Variants in DPP10 observed in about 807,000 individuals in gnomAD.
The protein encoded by DPP10 is dipeptidyl peptidase like 10, also known as inactive dipeptidyl peptidase 10.
DPP10 carries 33 observed loss-of-function variants against 120.9 expected under a neutral mutation model. The observed-to-expected ratio is 0.27, with a 90% CI of 0.21 to 0.37. The LOEUF (loss-of-function observed/expected upper bound fraction) is 0.37, where lower values mean the gene tolerates loss of function less well. Among genes scored for constraint, DPP10 ranks in the 10% least tolerant of loss-of-function variants. The probability of loss-of-function intolerance (pLI) is 1.00; values close to 1 mark genes in which losing one functional copy is unlikely to be tolerated. For missense variants in DPP10, 816 were observed against 942.8 expected (o/e 0.87, Z 1.76); for synonymous variants, 337 against 326.1 (o/e 1.03, Z -0.36).
At chr2:114,499,874 T>G (rs1448637012) in intron 1 of DPP10, among the ~76,000 whole-genome samples, 1 of 152,194 alleles carries the variant, frequency 6.6e-6, no homozygotes, top group Non-Finnish European at 1.5e-5. Flanking sequence ...ATGAACCAAT[T>G]CTCCACCCCT....
chr2:114,522,779 C>T (rs377039300), intron 1 of DPP10, among the ~76,000 whole-genome samples: 19 of 152,178 alleles, frequency 1.2e-4, no homozygotes, highest in Admixed American at 3.9e-4. Context: ...CTCACAATCA[C>T]GGCAGAAGGC....
In DPP10 at chr2:114,463,634, C is replaced by A. The variant is rs1028867388; in HGVS notation, c.60+20796C>A. ...CGAAGTGTGCATTTCATCCCAGGAT[C>A]TCTTAATCTACTAGTTATTTTAAAT... On this transcript the variant is annotated intron_variant, in intron 1 of 25. Coordinates refer to ENST00000410059, the MANE Select transcript of DPP10 (RefSeq NM_020868.6). Among the ~76,000 whole-genome samples the A allele has an allele frequency of 2.0e-5, 3 of 152,164 alleles. No individual in the cohort carries two copies. The East Asian group carries it at 5.8e-4, about 29-fold the overall frequency.
At chr2:115,625,666 A>G (rs2085301856) in intron 5 of DPP10, among the ~76,000 whole-genome samples, 1 of 151,990 alleles carries the variant, frequency 6.6e-6, no homozygotes, top group East Asian at 1.9e-4. Context: ...TGTTTCTACA[A>G]CTCCATGTTT....
In DPP10 at chr2:115,275,619, T is replaced by C. The variant is rs2059881074; in HGVS notation, c.61-33620T>C. On this transcript the variant is annotated intron_variant, in intron 1 of 25. Coordinates refer to ENST00000410059, the MANE Select transcript of DPP10 (RefSeq NM_020868.6). ...TTTTTTGGATATTATATAAAAATTA[T>C]ATAGAAAAGTTTCTTTTTAAACCTA... 2.0e-5 allele frequency among the ~76,000 whole-genome samples: 3 copies of C among 151,980 alleles called. No individual in the cohort carries two copies. The South Asian group carries it at 6.2e-4, about 31-fold the overall frequency.
At chr2:115,532,467 C>G (rs1172209059) in intron 5 of DPP10, among the ~76,000 whole-genome samples, 1 of 151,908 alleles carries the variant, frequency 6.6e-6, no homozygotes, top group Non-Finnish European at 1.5e-5. Flanking sequence ...CAACTAATTC[C>G]TAATTAATTA....
Position 115,309,301 on chromosome 2 carries a change from G to T in DPP10, c.123G>T (p.Val41=). 3 of 1,613,512 alleles carry T rather than the reference G, an allele frequency of 1.9e-6. No homozygotes were observed. Among genetic ancestry groups the T allele is most frequent in the Non-Finnish European group, 2.5e-6 (3 of 1,179,642 alleles). The change falls in exon 2 of 26, where the codon GTG becomes GTT. Residue 41 remains valine, a synonymous_variant. Transcript: ENST00000410059. ...NWKGIAIALL[V]ILVVCSLITM... ...AGGGAATTGCTATTGCTCTGCTGGT[G>T]ATTTTAGTTGTATGCTCACTCATCA... is the stretch of plus-strand genomic sequence containing the variant.
At chr2:115,608,006 A>ATAATAAT (rs562123247) in intron 5 of DPP10, among the ~76,000 whole-genome samples, 79 of 152,312 alleles carry the variant, frequency 5.2e-4, no homozygotes, top group African/African-American at 1.8e-3. Context: ...ACATGGTGGA[A>ATAATAAT]TAATAATACT....
chr2:115,336,875 A>G (rs1255640648), intron 2 of DPP10, among the ~76,000 whole-genome samples: 2 of 151,986 alleles, frequency 1.3e-5, no homozygotes, highest in Non-Finnish European at 2.9e-5. Context: ...AGTGATTGAG[A>G]TGAATGATTG....
In DPP10 at chr2:114,946,757, G is replaced by A. The variant is rs115580317; in HGVS notation, c.61-362482G>A. On this transcript the variant is annotated intron_variant, in intron 1 of 25. Coordinates refer to ENST00000410059, the MANE Select transcript of DPP10 (RefSeq NM_020868.6). ...ATAGGGAATTTTCTTCTTATTTCTC[G>A]GAAGGTTCTTGTCAAAGGTTTGTAT... Among the ~76,000 whole-genome samples, 1,052 of 151,162 alleles carry A rather than the reference G, an allele frequency of 7.0e-3. 6 individuals are homozygous for A. Among genetic ancestry groups the A allele is most frequent in the Middle Eastern group, 0.017 (5 of 290 alleles).
intron 1 of DPP10, among the ~76,000 whole-genome samples, chr2:115,006,245 A>G (rs1701831608): frequency 6.6e-6 from 1 of 152,204 alleles, no homozygotes; most frequent in South Asian, 2.1e-4. Flanking sequence ...AACAACCGGT[A>G]CCAGACACTG....
chr2:114,551,012 G>T (rs981629903), intron 1 of DPP10, among the ~76,000 whole-genome samples: 1 of 152,178 alleles, frequency 6.6e-6, no homozygotes, highest in African/African-American at 2.4e-5. Context: ...TAAACCCATA[G>T]CCCTGGTCTG....
intron 21 of DPP10, among the ~76,000 whole-genome samples, chr2:115,822,912 T>C (rs1338583685): frequency 6.6e-6 from 1 of 152,034 alleles, no homozygotes; most frequent in Non-Finnish European, 1.5e-5. Context: ...TGGTTTTCTA[T>C]ATTCATTGCT....
In DPP10 at chr2:114,711,660, T is replaced by C. The variant is rs548973838; in HGVS notation, c.60+268822T>C. 3.3e-5 allele frequency among the ~76,000 whole-genome samples: 5 copies of C among 152,280 alleles called. No individual in the cohort carries two copies. In the East Asian group the frequency reaches 9.6e-4, roughly 29 times the overall value. On this transcript the variant is annotated intron_variant, in intron 1 of 25. Transcript: ENST00000410059. ...ATAGAAGAACCAACCTGACCCTTTG[T>C]TTTTACTCTGAGACTGTCCACGTTT...
chr2:115,490,872 A>T (rs2076075749), intron 3 of DPP10, among the ~76,000 whole-genome samples: 1 of 152,204 alleles, frequency 6.6e-6, no homozygotes, highest in South Asian at 2.1e-4. Flanking sequence ...TATTCCCAGC[A>T]GTTTGGGAGG....
At chr2:114,963,696 C>A (rs1473172830) in intron 1 of DPP10, among the ~76,000 whole-genome samples, 3 of 152,250 alleles carry the variant, frequency 2.0e-5, no homozygotes, top group South Asian at 2.1e-4. Flanking sequence ...AGGGGCTGAG[C>A]TAAGCTTGAG....
intron 1 of DPP10, among the ~76,000 whole-genome samples, chr2:114,839,626 G>A (rs11898423): frequency 6.6e-6 from 1 of 152,014 alleles, no homozygotes; most frequent in Non-Finnish European, 1.5e-5. Context: ...CATATTCTTT[G>A]TTCTAAAACT....
At chr2:115,063,136 G>C (rs535637475) in intron 1 of DPP10, among the ~76,000 whole-genome samples, 1 of 152,186 alleles carries the variant, frequency 6.6e-6, no homozygotes, top group South Asian at 2.1e-4. Flanking sequence ...TTTCTCTAAT[G>C]ATCAATGATG....
intron 1 of DPP10, among the ~76,000 whole-genome samples, chr2:115,036,000 T>C (rs1311619135): frequency 6.6e-6 from 1 of 152,234 alleles, no homozygotes; most frequent in Non-Finnish European, 1.5e-5. Context: ...ATTATATTAG[T>C]CTATTCTCAC....
At chr2:115,175,618 C>T (rs1237516258) in intron 1 of DPP10, among the ~76,000 whole-genome samples, 1 of 152,058 alleles carries the variant, frequency 6.6e-6, no homozygotes, top group African/African-American at 2.4e-5. Flanking sequence ...ATAATTGAAC[C>T]TTAGTTTCCT....
Sources: allele counts gnomAD v4.1 joint callset (sites outside exome capture counted in the v4.1 genomes callset), GRCh38; gene constraint gnomAD v4.1.1; transcripts MANE v1.5; gene names NCBI Gene and HGNC (gene_info 2026-07-23, HGNC 2026-07-21).